Variants in CFAP77 observed in about 807,000 individuals in gnomAD.
CFAP77 encodes cilia and flagella associated protein 77.
A neutral mutation model predicts 31.1 loss-of-function variants in CFAP77; 25 were observed. The ratio of observed to expected loss-of-function variants is 0.80; its 90% CI spans 0.59 to 1.12. The LOEUF is 1.12. Among genes scored for constraint, CFAP77 ranks in the 50% most tolerant of loss-of-function variants. The pLI is 0.00. For missense variants in CFAP77, 377 were observed against 397.3 expected, an observed-to-expected ratio of 0.95 and a Z score of 0.44; for synonymous variants, 151 against 159.9, an observed-to-expected ratio of 0.94 and a Z score of 0.42.
intron 1 of CFAP77, among the ~76,000 whole-genome samples, chr9:132,428,738 C>A (rs1291007305): frequency 6.6e-6 from 1 of 152,132 alleles, no homozygotes; most frequent in Non-Finnish European, 1.5e-5. Context: ...CTCTTGCCAT[C>A]CATAGTCTGG....
Position 132,495,548 on chromosome 9 carries a change from G to T in CFAP77, c.196-3147G>T, listed in dbSNP as rs530495451. On this transcript the variant is annotated intron_variant, in intron 1 of 5. Transcript: ENST00000393216. The surrounding 1 kb of genome is among the most constrained non-coding windows in gnomAD (Gnocchi z 4.2). ...CACCCTGCAGGGTCCCCATGCACCCGCCTGAAACTCAGAGCCCCATCACTC... is the reference window on the plus strand; with the variant it reads ...CACCCTGCAGGGTCCCCATGCACCCTCCTGAAACTCAGAGCCCCATCACTC... Among the ~76,000 whole-genome samples, 2 of 152,140 alleles carry T rather than the reference G, an allele frequency of 1.3e-5. No individual in the cohort carries two copies. The highest frequency in any genetic ancestry group is 2.9e-5 in the Non-Finnish European group (2 of 68,022).
chr9:132,412,983 C>T (rs1850036283), intron 1 of CFAP77, among the ~76,000 whole-genome samples: 1 of 152,020 alleles, frequency 6.6e-6, no homozygotes, highest in African/African-American at 2.4e-5. Context: ...GTGCACTCTG[C>T]CGTGGTGTCT....
At chr9:132,423,740 G>A (rs960581428) in intron 1 of CFAP77, among the ~76,000 whole-genome samples, 2 of 152,302 alleles carry the variant, frequency 1.3e-5, no homozygotes, top group South Asian at 2.1e-4. Flanking sequence ...TGCAAGCTCC[G>A]TGTCTTGAGC....
At chr9:132,515,009 C>T (rs1255919049) in intron 3 of CFAP77, among the ~76,000 whole-genome samples, 2 of 152,144 alleles carry the variant, frequency 1.3e-5, no homozygotes, top group Admixed American at 6.5e-5. Context: ...TGCCGGGGGC[C>T]AGCAAGTGGA....
intron 3 of CFAP77, among the ~76,000 whole-genome samples, chr9:132,531,107 C>T (rs11243818): frequency 0.08 from 12,142 of 152,278 alleles, 620 homozygotes; most frequent in South Asian, 0.13. Context: ...TTATAACTCA[C>T]ATATAGCCCA....
intron 1 of CFAP77, among the ~76,000 whole-genome samples, chr9:132,435,488 T>C (rs1447949215): frequency 6.6e-6 from 1 of 152,186 alleles, no homozygotes; most frequent in Non-Finnish European, 1.5e-5. Context: ...GAAAAGACTG[T>C]GTTCACTTCA....
intron 1 of CFAP77, among the ~76,000 whole-genome samples, chr9:132,425,202 G>A (rs770374765): frequency 1.5e-4 from 23 of 151,908 alleles, no homozygotes; most frequent in Non-Finnish European, 3.2e-4. Flanking sequence ...TTCTTGCGTC[G>A]CCCCCGTCAA....
intron 5 of CFAP77, among the ~76,000 whole-genome samples, chr9:132,562,038 C>G (rs1194287475): frequency 6.6e-6 from 1 of 152,196 alleles, no homozygotes; most frequent in Non-Finnish European, 1.5e-5. Flanking sequence ...GCTGGATAAG[C>G]CCAACTGGAG....
In CFAP77 at chr9:132,501,650, G is replaced by A. The variant is rs796136447; in HGVS notation, c.524+2050G>A. 1.1e-4 allele frequency among the ~76,000 whole-genome samples: 16 copies of A among 152,274 alleles called. No individual in the cohort carries two copies. The highest frequency in any genetic ancestry group is 3.9e-4 in the Admixed American group (6 of 15,296). On this transcript the variant is annotated intron_variant, in intron 3 of 5. Coordinates refer to ENST00000393216, the MANE Select transcript of CFAP77 (RefSeq NM_001282957.2). The surrounding 1 kb of genome is among the most constrained non-coding windows in gnomAD (Gnocchi z 4.6). ...ACTCCTGGCCTCAGGTGATCCACCC[G>A]CCTTGGCCTCCCAAAGTGCTAGGAT...
chr9:132,567,719 C>T (rs537504732), intron 5 of CFAP77, among the ~76,000 whole-genome samples: 47 of 152,324 alleles, frequency 3.1e-4, no homozygotes, highest in Non-Finnish European at 5.3e-4. Context: ...ATCAAAGTGT[C>T]GTCAGGGCCA....
At chr9:132,423,072 C>G (rs1204496100) in intron 1 of CFAP77, among the ~76,000 whole-genome samples, 1 of 152,242 alleles carries the variant, frequency 6.6e-6, no homozygotes, top group Non-Finnish European at 1.5e-5. Flanking sequence ...GAGTGTTGGG[C>G]TTCGCGGCTG....
At chr9:132,556,890 AC>A (rs1250487006) in intron 5 of CFAP77, among the ~76,000 whole-genome samples, 1 of 151,992 alleles carries the variant, frequency 6.6e-6, no homozygotes, top group African/African-American at 2.4e-5. Flanking sequence ...CGCCTCCTCC[AC>A]CGCAAATTAC....
intron 1 of CFAP77, among the ~76,000 whole-genome samples, chr9:132,441,368 G>A (rs768678590): frequency 8.5e-5 from 13 of 152,160 alleles, no homozygotes. Flanking sequence ...GCTTTTTAAT[G>A]TACAGTTGCT....
At chr9:132,518,672 C>T (rs551246962) in intron 3 of CFAP77, among the ~76,000 whole-genome samples, 2 of 152,204 alleles carry the variant, frequency 1.3e-5, no homozygotes, top group East Asian at 3.9e-4. Context: ...CTCCAGCTGG[C>T]GGTCCTGCCT....
rs905566785 is a variant in CFAP77 at position 132,497,232 on chromosome 9, T to A, written c.196-1463T>A. ...CCTGGACTGCCAGCAGAGGGAAGGGTTTATTTCAGAGGCAGTGATGAGCCA... is the reference window on the plus strand; with the variant it reads ...CCTGGACTGCCAGCAGAGGGAAGGGATTATTTCAGAGGCAGTGATGAGCCA... On this transcript the variant is annotated intron_variant, in intron 1 of 5. Transcript: ENST00000393216. The surrounding 1 kb of genome is among the most constrained non-coding windows in gnomAD (Gnocchi z 4.9). Among the ~76,000 whole-genome samples, 1 of 151,038 alleles carries A rather than the reference T, an allele frequency of 6.6e-6. No homozygotes were observed. Among genetic ancestry groups the A allele is most frequent in the South Asian group, 2.1e-4 (1 of 4,784 alleles).
In CFAP77 at chr9:132,480,997, G is replaced by C. The variant is rs567865560; in HGVS notation, c.196-17698G>C. On this transcript the variant is annotated intron_variant, in intron 1 of 5. Coordinates refer to ENST00000393216, the MANE Select transcript of CFAP77 (RefSeq NM_001282957.2). This position sits in a 1 kb window ranked among gnomAD's most constrained non-coding sequence, Gnocchi z 5.8. ...TGCTTATTTCTTCACAGCAGGCTGA[G>C]ATCTGTTAGCTCGAAAGCACACTAG... is the stretch of plus-strand genomic sequence containing the variant. 1.3e-5 allele frequency among the ~76,000 whole-genome samples: 2 copies of C among 152,256 alleles called. No homozygotes were observed. Among genetic ancestry groups the C allele is most frequent in the East Asian group, 3.9e-4 (2 of 5,174 alleles).
At chr9:132,421,069 G>A (rs1211423921) in intron 1 of CFAP77, among the ~76,000 whole-genome samples, 2 of 141,160 alleles carry the variant, frequency 1.4e-5, no homozygotes, top group Non-Finnish European at 3.0e-5. Context: ...GTGCAGTGGT[G>A]TGATCTCGGC....
intron 3 of CFAP77, among the ~76,000 whole-genome samples, chr9:132,532,790 T>G (rs1049857963): frequency 7.2e-5 from 11 of 152,324 alleles, no homozygotes; most frequent in African/African-American, 2.6e-4. Context: ...GGTTCACACC[T>G]GTGATCCCAA....
At chr9:132,470,329 G>T (rs758960235) in intron 1 of CFAP77, among the ~76,000 whole-genome samples, 15 of 152,180 alleles carry the variant, frequency 9.9e-5, no homozygotes, top group Non-Finnish European at 5.9e-5. Flanking sequence ...AGATGAGGGA[G>T]CTGAGGCTCA....
Sources: allele counts gnomAD v4.1 joint callset (sites outside exome capture counted in the v4.1 genomes callset), GRCh38; gene constraint gnomAD v4.1.1; non-coding constraint Gnocchi (gnomAD v3.1); transcripts MANE v1.5; gene names NCBI Gene and HGNC (gene_info 2026-07-23, HGNC 2026-07-21).